WWOX: variants seen among roughly 807,000 people sequenced by gnomAD.
WWOX encodes WW domain containing oxidoreductase.
Under a neutral mutation model 46.2 loss-of-function variants are expected in WWOX, and 69 were observed. The observed-to-expected ratio is 1.49, with a 90% CI of 1.23 to 1.82. WWOX has a LOEUF of 1.82. Ranked by LOEUF, WWOX falls within the 40% of genes most tolerant of loss-of-function variation. WWOX has a pLI of 0.00. For synonymous variants in WWOX, 359 were observed against 202.6 expected (o/e 1.77, Z -6.56); for missense variants, 919 against 542.6 (o/e 1.69, Z -6.89).
At chr16:78,906,081 G>C (rs1003388008) in intron 8 of WWOX, among the ~76,000 whole-genome samples, 3 of 152,200 alleles carry the variant, frequency 2.0e-5, no homozygotes, top group Non-Finnish European at 4.4e-5. Flanking sequence ...TTGTCTTCTT[G>C]GTTAGGGACC....
chr16:79,191,008 T>G (rs2051124867), intron 8 of WWOX, among the ~76,000 whole-genome samples: 1 of 152,266 alleles, frequency 6.6e-6, no homozygotes, highest in African/African-American at 2.4e-5. Context: ...TATAATAAGA[T>G]GCTGGGAAGA....
At chr16:78,962,067 T>C (rs2046281333) in intron 8 of WWOX, among the ~76,000 whole-genome samples, 1 of 151,978 alleles carries the variant, frequency 6.6e-6, no homozygotes, top group South Asian at 2.1e-4. Context: ...ATCCAGTGGG[T>C]TGGGCCATAA....
chr16:78,769,933 A>G (rs1307601137), intron 8 of WWOX, among the ~76,000 whole-genome samples: 2 of 152,172 alleles, frequency 1.3e-5, no homozygotes, highest in Non-Finnish European at 2.9e-5. Context: ...GGTCCCAGCT[A>G]CTTGGCAGGC....
At chr16:78,601,606 A>C (rs2151617709) in intron 8 of WWOX, among the ~76,000 whole-genome samples, 1 of 152,338 alleles carries the variant, frequency 6.6e-6, no homozygotes, top group East Asian at 1.9e-4. Flanking sequence ...CGTGGTGTAA[A>C]ATATATACTT....
At chr16:78,397,760 G>A (rs963239434) in intron 6 of WWOX, among the ~76,000 whole-genome samples, 1 of 152,192 alleles carries the variant, frequency 6.6e-6, no homozygotes, top group Non-Finnish European at 1.5e-5. Context: ...GATCACCTCA[G>A]GTGATCCGCC....
intron 8 of WWOX, among the ~76,000 whole-genome samples, chr16:79,119,335 G>T (rs968510763): frequency 3.9e-5 from 6 of 152,146 alleles, no homozygotes; most frequent in African/African-American, 1.4e-4. Flanking sequence ...TGGATTGGAG[G>T]GTTTCTAAAG....
Position 78,727,898 on chromosome 16 carries a change from A to G in WWOX, c.1056+295146A>G, listed in dbSNP as rs1012297007. On this transcript the variant is annotated intron_variant, in intron 8 of 8. Coordinates refer to ENST00000566780, the MANE Select transcript of WWOX (RefSeq NM_016373.4). ...ACTCTTAGTAGTTATCCAGGACCCAAAATAGCATTTGTTTATCTGGGTCAT... is the reference window on the plus strand; with the variant it reads ...ACTCTTAGTAGTTATCCAGGACCCAGAATAGCATTTGTTTATCTGGGTCAT... Among the ~76,000 whole-genome samples the G allele has an allele frequency of 2.0e-4, 31 of 152,050 alleles. 1 individual carries two copies. The highest frequency in any genetic ancestry group is 2.0e-3 in the Admixed American group (30 of 15,264).
intron 8 of WWOX, among the ~76,000 whole-genome samples, chr16:78,524,287 C>G (rs1205160594): frequency 1.3e-5 from 2 of 152,244 alleles, no homozygotes; most frequent in East Asian, 3.9e-4. Flanking sequence ...GAGCAATACT[C>G]TTTTTTTGTT....
At chr16:78,378,218 T>C (rs560541857) in intron 5 of WWOX, among the ~76,000 whole-genome samples, 2 of 152,286 alleles carry the variant, frequency 1.3e-5, no homozygotes, top group Admixed American at 1.3e-4. Flanking sequence ...CAAAAGTGTT[T>C]GTTTATTAAA....
At chr16:78,947,264 A>C (rs1044109641) in intron 8 of WWOX, among the ~76,000 whole-genome samples, 4 of 152,098 alleles carry the variant, frequency 2.6e-5, no homozygotes, top group African/African-American at 9.7e-5. Context: ...TTCTCAAGCC[A>C]CTTAGATTTT....
intron 1 of WWOX, among the ~76,000 whole-genome samples, chr16:78,103,202 C>T (rs192093925): frequency 7.9e-5 from 12 of 151,218 alleles, no homozygotes; most frequent in African/African-American, 2.9e-4. Flanking sequence ...GCCCTCCCGA[C>T]TAGTGTCTTA....
At position 78,850,584 on chromosome 16, in the gene WWOX, C is replaced by T. The variant is rs530619095; in HGVS notation, c.1057-361024C>T. Among the ~76,000 whole-genome samples, 14 of 152,266 alleles carry T rather than the reference C, an allele frequency of 9.2e-5. No homozygotes were observed. The South Asian group carries it at 1.0e-3, about 11-fold the overall frequency. Reference sequence around the variant, plus strand: ...TTAGTCCCCTCTCCCCCATTGTTTACGATTCCTTGGAGTTCCACTGCTACT... The same window carrying T: ...TTAGTCCCCTCTCCCCCATTGTTTATGATTCCTTGGAGTTCCACTGCTACT... On this transcript the variant is annotated intron_variant, in intron 8 of 8. Transcript: ENST00000566780.
intron 8 of WWOX, among the ~76,000 whole-genome samples, chr16:78,575,948 C>T (rs892253877): frequency 1.3e-5 from 2 of 150,720 alleles, no homozygotes; most frequent in Non-Finnish European, 2.9e-5. Flanking sequence ...TAAATTTTAC[C>T]CTGTGGAGTA....
intron 8 of WWOX, among the ~76,000 whole-genome samples, chr16:78,734,610 A>G (rs1162886641): frequency 2.0e-5 from 3 of 151,920 alleles, no homozygotes; most frequent in African/African-American, 7.3e-5. Context: ...TTTCAACTTG[A>G]TTAGGTCCCA....
intron 4 of WWOX, among the ~76,000 whole-genome samples, chr16:78,119,542 G>A (rs1306518666): frequency 6.6e-6 from 1 of 152,026 alleles, no homozygotes; most frequent in Admixed American, 6.6e-5. Context: ...TTGTTGGAGC[G>A]CATGCAAATT....
chr16:78,813,922 G>A (rs1567578211), intron 8 of WWOX, among the ~76,000 whole-genome samples: 2 of 152,204 alleles, frequency 1.3e-5, no homozygotes, highest in East Asian at 3.9e-4. Context: ...AAATGTAGAG[G>A]CCCCAGTGTT....
At chr16:78,669,631 G>C (rs949414948) in intron 8 of WWOX, among the ~76,000 whole-genome samples, 14 of 152,192 alleles carry the variant, frequency 9.2e-5, no homozygotes, top group African/African-American at 2.7e-4. Flanking sequence ...GTCAGTTTCA[G>C]ATATCCAACA....
intron 8 of WWOX, among the ~76,000 whole-genome samples, chr16:79,199,051 C>A (rs181268538): frequency 6.6e-6 from 1 of 152,036 alleles, no homozygotes; most frequent in Non-Finnish European, 1.5e-5. Flanking sequence ...GGGCTTCAGT[C>A]CCCGGTGTTT....
intron 8 of WWOX, among the ~76,000 whole-genome samples, chr16:79,060,366 G>T (rs1278929936): frequency 6.6e-6 from 1 of 152,236 alleles, no homozygotes; most frequent in African/African-American, 2.4e-5. Flanking sequence ...TTTGGCCACT[G>T]GCCGTTAATT....
Sources: gnomAD v4.1 joint callset for allele counts (sites outside exome capture counted in the v4.1 genomes callset) on GRCh38, gnomAD v4.1.1 for gene constraint, MANE v1.5 for transcripts, NCBI Gene and HGNC (gene_info 2026-07-23, HGNC 2026-07-21) for gene names.